UTP18: variants seen among roughly 807,000 people sequenced by gnomAD.
UTP18 encodes UTP18 small subunit processome component.
A neutral mutation model predicts 61.1 loss-of-function variants in UTP18; 36 were observed. That is an observed-to-expected ratio of 0.59 (90% CI 0.45 to 0.78). The LOEUF is 0.78. Ranked by LOEUF, UTP18 falls within the 30% of genes least tolerant of loss-of-function variation. The pLI is 0.00. For missense variants in UTP18, 753 were observed against 693.9 expected (o/e 1.09, Z -0.96); for synonymous variants, 282 against 251.1 (o/e 1.12, Z -1.16).
intron 11 of UTP18, chr17:51,288,668 T>C (rs1303130197): frequency 1.3e-5 from 6 of 452,966 alleles, no homozygotes; most frequent in Non-Finnish European, 2.2e-5. Context: ...GAATATACCC[T>C]TTGTGTTAGG....
chr17:51,283,466 A>G (rs1905016023), intron 9 of UTP18, among the ~76,000 whole-genome samples: 1 of 151,486 alleles, frequency 6.6e-6, no homozygotes, highest in Non-Finnish European at 1.5e-5. Context: ...CTGCGTGTGC[A>G]CCCTTTTCTT....
intron 10 of UTP18, among the ~76,000 whole-genome samples, chr17:51,285,981 A>G (rs1204450502): frequency 2.0e-5 from 3 of 152,198 alleles, no homozygotes; most frequent in East Asian, 1.9e-4. Context: ...AAGTTTTCCT[A>G]TAATTATTTT....
At chr17:51,292,141 C>T (rs530176649) in intron 11 of UTP18, among the ~76,000 whole-genome samples, 2 of 152,260 alleles carry the variant, frequency 1.3e-5, no homozygotes, top group South Asian at 4.1e-4. Context: ...TTTGCAATAT[C>T]CATGTTGTGG....
chr17:51,281,435 C>T (rs577740245), intron 9 of UTP18, among the ~76,000 whole-genome samples: 3 of 152,118 alleles, frequency 2.0e-5, no homozygotes, highest in Middle Eastern at 6.8e-3. Flanking sequence ...TCTCTATTCT[C>T]TCTTTTGTCA....
At chr17:51,275,733 TG>T in intron 5 of UTP18, 132 bp from the exon 6 acceptor site, 4 of 884,256 alleles carry the variant, frequency 4.5e-6, no homozygotes, top group Non-Finnish European at 6.0e-6. Context: ...TTTTTTTTTT[TG>T]AGTTGTGTTT....
intron 7 of UTP18, among the ~76,000 whole-genome samples, chr17:51,277,845 T>C (rs910393718): frequency 6.6e-6 from 1 of 152,202 alleles, no homozygotes; most frequent in Non-Finnish European, 1.5e-5. Context: ...TACCCATTCT[T>C]TTCCTATATT....
chr17:51,274,706 C>T (rs1904657146), intron 5 of UTP18, among the ~76,000 whole-genome samples: 1 of 151,836 alleles, frequency 6.6e-6, no homozygotes, highest in Admixed American at 6.6e-5. Context: ...CCCGCCTCAG[C>T]TCCCAACGTG....
Position 51,266,180 on chromosome 17 carries a change from A to G in UTP18, c.456-2A>G. 1 of 1,576,318 alleles carries G rather than the reference A, an allele frequency of 6.3e-7. No individual in the cohort carries two copies. Among genetic ancestry groups the G allele is most frequent in the Non-Finnish European group, 8.6e-7 (1 of 1,167,564 alleles). On this transcript the variant is annotated splice_acceptor_variant, in intron 2 of 13. Coordinates refer to ENST00000225298, the MANE Select transcript of UTP18 (RefSeq NM_016001.3). LOFTEE classifies it high-confidence loss of function. ...TTAAAATATGCTGTTCTGTTTTTGT[A>G]GGGTTGACATGATGAACAATCGGTT...
intron 11 of UTP18, among the ~76,000 whole-genome samples, chr17:51,289,820 C>T (rs1017909801): frequency 1.3e-5 from 2 of 152,174 alleles, no homozygotes; most frequent in East Asian, 1.9e-4. Flanking sequence ...TAGAATATAT[C>T]GTTTACAAAG....
intron 2 of UTP18, among the ~76,000 whole-genome samples, chr17:51,264,871 C>T (rs569751948): frequency 2.6e-5 from 4 of 151,952 alleles, no homozygotes; most frequent in African/African-American, 9.7e-5. Flanking sequence ...TTAGTAGAGA[C>T]GGGGTTTTAC....
At chr17:51,281,172 T>TA (rs1904909410) in intron 9 of UTP18, among the ~76,000 whole-genome samples, 1 of 146,906 alleles carries the variant, frequency 6.8e-6, no homozygotes, top group South Asian at 2.1e-4. Context: ...ATATTTTTTT[T>TA]AAACGAAAAG....
At chr17:51,264,774 C>A (rs1344003008) in intron 2 of UTP18, among the ~76,000 whole-genome samples, 1 of 151,820 alleles carries the variant, frequency 6.6e-6, no homozygotes, top group Non-Finnish European at 1.5e-5. Context: ...CCTCCGCCTC[C>A]CAGGTTCAAG....
Position 51,277,236 on chromosome 17 carries a change from C to T in UTP18, c.944C>T (p.Thr315Ile), listed in dbSNP as rs367592431. The change falls in exon 7 of 14, where the codon ACC (threonine) becomes ATC (isoleucine). Residue 315 changes from threonine (T) to isoleucine (I), a missense_variant. By Grantham distance (89) the Thr-to-Ile change is moderately conservative. Transcript: ENST00000225298. ...GGGGAAGAAGTTTTAGCCACGAGTA[C>T]CCACAGCAAGGTTCTTTATGTCTAT... is the stretch of plus-strand genomic sequence containing the variant. Reference protein sequence around the residue: ...ANGEEVLATSTHSKVLYVYDM... With the variant: ...ANGEEVLATSIHSKVLYVYDM... 11 of 1,613,966 alleles carry T rather than the reference C, an allele frequency of 6.8e-6. No homozygotes were observed. Among genetic ancestry groups the T allele is most frequent in the Non-Finnish European group, 9.3e-6 (11 of 1,180,022 alleles).
intron 5 of UTP18, among the ~76,000 whole-genome samples, chr17:51,275,510 C>T (rs1324963729): frequency 6.6e-6 from 1 of 152,148 alleles, no homozygotes; most frequent in Non-Finnish European, 1.5e-5. Context: ...GTGAAATTTC[C>T]TCAGAAGTGA....
intron 12 of UTP18, among the ~76,000 whole-genome samples, chr17:51,295,689 T>G (rs1905351575): frequency 6.6e-6 from 1 of 152,344 alleles, no homozygotes; most frequent in East Asian, 1.9e-4. Context: ...GCGGGCTCTT[T>G]TTTGGTTCCA....
At chr17:51,286,511 A>G (rs1905121169) in intron 10 of UTP18, 1 of 456,278 alleles carries the variant, frequency 2.2e-6, no homozygotes, top group South Asian at 1.5e-5. Flanking sequence ...GCTTGTATAT[A>G]TATCCCTACC....
Position 51,277,260 on chromosome 17 carries a change from A to G in UTP18, c.968A>G (p.Tyr323Cys), listed in dbSNP as rs371731234. The change falls in exon 7 of 14, where the codon TAT becomes TGT. Residue 323 changes from tyrosine (Y) to cysteine (C), a missense_variant. By Grantham distance (194) the Tyr-to-Cys change is radical. Transcript: ENST00000225298. ...ACCCACAGCAAGGTTCTTTATGTCT[A>G]TGACATGCTGGCTGGAAAGTTAATT... ...TSTHSKVLYV[Y>C]DMLAGKLIPV... The G allele has an allele frequency of 2.7e-5, 43 of 1,614,044 alleles. No homozygotes were observed. The highest frequency in any genetic ancestry group is 8.0e-5 in the African/African-American group (6 of 74,936).
At chr17:51,262,716 A>T (rs1332158776) in intron 1 of UTP18, among the ~76,000 whole-genome samples, 1 of 152,054 alleles carries the variant, frequency 6.6e-6, no homozygotes, top group Non-Finnish European at 1.5e-5. Context: ...ACACCCAGCT[A>T]AATTTAAAAA....
chr17:51,273,739 TAATAAATA>T (rs58946658), intron 5 of UTP18, among the ~76,000 whole-genome samples: 155 of 141,080 alleles, frequency 1.1e-3, no homozygotes, highest in African/African-American at 3.7e-3. Flanking sequence ...GTCTCTAAAA[TAATAAATA>T]AATAAATAAA....
Sources: gnomAD v4.1 joint callset for allele counts (sites outside exome capture counted in the v4.1 genomes callset) on GRCh38, gnomAD v4.1.1 for gene constraint, MANE v1.5 for transcripts, NCBI Gene and HGNC (gene_info 2026-07-23, HGNC 2026-07-21) for gene names.